The following DBF4B variants were observed in gnomAD, a reference collection of about 807,000 sequenced individuals.
The protein encoded by DBF4B is DBF4B-CDC7 kinase regulatory subunit.
DBF4B carries 49 observed loss-of-function variants against 53.4 expected under a neutral mutation model. The observed-to-expected ratio is 0.92, with a 90% CI of 0.73 to 1.16. The LOEUF is 1.16. Among genes scored for constraint, DBF4B ranks in the 50% most tolerant of loss-of-function variants. DBF4B has a pLI of 0.00. For synonymous variants in DBF4B, 257 were observed against 288.7 expected (o/e 0.89, Z 1.11); for missense variants, 692 against 775.0 (o/e 0.89, Z 1.27).
intron 8 of DBF4B, among the ~76,000 whole-genome samples, chr17:44,737,068 T>C (rs1166980888): frequency 1.3e-5 from 2 of 152,208 alleles, no homozygotes; most frequent in African/African-American, 4.8e-5. Context: ...CCAGAGCTGC[T>C]GGGCCGGGGC....
chr17:44,744,231 G>A (rs934469537), intron 10 of DBF4B, among the ~76,000 whole-genome samples: 1 of 151,958 alleles, frequency 6.6e-6, no homozygotes, highest in Non-Finnish European at 1.5e-5. Flanking sequence ...GAGCAACATG[G>A]TGAAACCCCA....
At chr17:44,719,858 C>A in intron 2 of DBF4B, 1 of 220,178 alleles carries the variant, frequency 4.5e-6, no homozygotes. Flanking sequence ...TTTTCTAAAA[C>A]ATGTGAGTCC....
chr17:44,715,812 C>CTTTTTTTTT lies in DBF4B; in HGVS notation c.82+6466_82+6474dup, dbSNP rs869200833. On this transcript the variant is annotated intron_variant, in intron 2 of 13. Coordinates refer to ENST00000315005, the MANE Select transcript of DBF4B (RefSeq NM_145663.3). Reference sequence around the variant, plus strand: ...GTTAGCCTAATTTCTTTCTTTCTTTCTTTTTTTTTTTTTTTTTTTTTTTTT... The same window carrying CTTTTTTTTT: ...GTTAGCCTAATTTCTTTCTTTCTTTCTTTTTTTTTTTTTTTTTTTTTTTTTTTTTTTTTT... Among the ~76,000 whole-genome samples the CTTTTTTTTT allele has an allele frequency of 2.0e-3, 113 of 55,542 alleles. 6 individuals are homozygous for CTTTTTTTTT. The highest frequency in any genetic ancestry group is 2.9e-3 in the Non-Finnish European group (89 of 30,658). 36.4% of individuals were successfully genotyped at this position (55,542 alleles called of 152,430 possible). A position where few individuals can be genotyped will look rare whatever the true frequency, so the allele number is the denominator to read the frequency against.
chr17:44,708,747 C>G lies in DBF4B; in HGVS notation c.-74C>G. On this transcript the variant is annotated 5_prime_UTR_variant, in exon 1 of 14. Coordinates refer to ENST00000315005, the MANE Select transcript of DBF4B (RefSeq NM_145663.3). ...ACCAGGACTGTGGAATCGGGAAGAGCTCATGGAGCTCGCGAATGTAATACG... is the reference window on the plus strand; with the variant it reads ...ACCAGGACTGTGGAATCGGGAAGAGGTCATGGAGCTCGCGAATGTAATACG... 6.6e-7 allele frequency: 1 copy of G among 1,524,762 alleles called. No individual in the cohort carries two copies. Among genetic ancestry groups the G allele is most frequent in the Non-Finnish European group, 8.9e-7 (1 of 1,127,856 alleles). The allele number at this position is 1,524,762 out of a possible 1,614,324, so 94.5% of individuals were successfully genotyped here. A position where few individuals can be genotyped will look rare whatever the true frequency, so the allele number is the denominator to read the frequency against.
At chr17:44,726,487 C>G (rs1974358553) in intron 3 of DBF4B, among the ~76,000 whole-genome samples, 2 of 149,624 alleles carry the variant, frequency 1.3e-5, no homozygotes, top group Non-Finnish European at 3.0e-5. Flanking sequence ...GTCTTTTACT[C>G]TTGGCGTCAA....
At chr17:44,721,338 C>T (rs1973825868) in intron 2 of DBF4B, among the ~76,000 whole-genome samples, 1 of 151,390 alleles carries the variant, frequency 6.6e-6, no homozygotes, top group South Asian at 2.1e-4. Flanking sequence ...TGTGCCTCAG[C>T]CACCCAAGTA....
intron 6 of DBF4B, chr17:44,732,531 A>G (rs1331796518): frequency 9.2e-6 from 4 of 437,158 alleles, no homozygotes; most frequent in Non-Finnish European, 1.2e-5. Flanking sequence ...TCCCCCAGCT[A>G]GTATGATGAT....
chr17:44,750,392 G>A (rs976566779), intron 13 of DBF4B: 16 of 985,266 alleles, frequency 1.6e-5, no homozygotes, highest in Non-Finnish European at 1.7e-5. Flanking sequence ...AGAAGGGGGG[G>A]CCCAGCTATG....
At chr17:44,726,768 T>C (rs116850893) in intron 3 of DBF4B, among the ~76,000 whole-genome samples, 1,946 of 152,290 alleles carry the variant, frequency 0.013, 20 homozygotes, top group Non-Finnish European at 0.02. Context: ...GTGAACAACT[T>C]TGAGTAAAAA....
At chr17:44,746,053 C>CAAAAAAA (rs61654485) in intron 10 of DBF4B, among the ~76,000 whole-genome samples, 51 of 110,640 alleles carry the variant, frequency 4.6e-4, no homozygotes, top group Non-Finnish European at 6.1e-4. Flanking sequence ...ACTAAAAATA[C>CAAAAAAA]AAAAAAAAAA....
chr17:44,735,142 GCCCTCTCCACA>G (rs935621570), intron 7 of DBF4B, among the ~76,000 whole-genome samples: 7 of 152,072 alleles, frequency 4.6e-5, no homozygotes, highest in East Asian at 1.9e-4. Flanking sequence ...AGACACTGAC[GCCCTCTCCACA>G]CCCTCTCCTC....
chr17:44,748,819 A>C, intron 13 of DBF4B: 1 of 1,296,768 alleles, frequency 7.7e-7, no homozygotes, highest in African/African-American at 1.5e-5. Flanking sequence ...AACTAGTGGC[A>C]AGCGTCTTCC....
At chr17:44,711,709 G>T (rs1464634149) in intron 2 of DBF4B, among the ~76,000 whole-genome samples, 2 of 152,128 alleles carry the variant, frequency 1.3e-5, no homozygotes, top group Admixed American at 6.6e-5. Flanking sequence ...AGCACTTTGG[G>T]AGGCCGAGGC....
intron 9 of DBF4B, 33 bp from the exon 10 acceptor site, chr17:44,741,303 T>C (rs1975999043): frequency 1.3e-6 from 2 of 1,512,548 alleles, no homozygotes; most frequent in African/African-American, 2.7e-5. Flanking sequence ...ACCTTCCCCA[T>C]TGTAGTCAAA....
At chr17:44,741,522 T>A in intron 10 of DBF4B, 70 bp downstream of exon 10, 1 of 1,071,112 alleles carries the variant, frequency 9.3e-7, no homozygotes, top group African/African-American at 1.6e-5. Context: ...GGGGGCCTGC[T>A]GGTCAGATTT....
At chr17:44,738,171 A>G (rs1327402152) in intron 8 of DBF4B, among the ~76,000 whole-genome samples, 3 of 152,238 alleles carry the variant, frequency 2.0e-5, no homozygotes, top group Non-Finnish European at 2.9e-5. Context: ...ACTGCAGCCT[A>G]TCCCCCCACT....
At chr17:44,739,620 C>T (rs1975791619) in intron 9 of DBF4B, among the ~76,000 whole-genome samples, 1 of 152,208 alleles carries the variant, frequency 6.6e-6, no homozygotes. Context: ...GTAATCATGA[C>T]ACATATGCAA....
At chr17:44,727,193 GATCA>G (rs2144903568) in intron 3 of DBF4B, among the ~76,000 whole-genome samples, 1 of 150,404 alleles carries the variant, frequency 6.6e-6, no homozygotes, top group Admixed American at 6.7e-5. Context: ...GAGGTGGGCA[GATCA>G]CCTGAGGTCA....
rs148663902 is a variant in DBF4B at position 44,739,016 on chromosome 17, A to T, written c.713+592A>T. On this transcript the variant is annotated intron_variant, in intron 9 of 13. Transcript: ENST00000315005. ...GGGGAAAACTGAGGTCAGAGAAAGG[A>T]AGGGACTTGTGTACAGCCACCTTGC... Among the ~76,000 whole-genome samples the T allele has an allele frequency of 1.1e-4, 16 of 152,320 alleles. No homozygotes were observed. In the East Asian group the frequency reaches 2.9e-3, roughly 28 times the overall value.
Sources: gnomAD v4.1 joint callset for allele counts (sites outside exome capture counted in the v4.1 genomes callset) on GRCh38, gnomAD v4.1.1 for gene constraint, MANE v1.5 for transcripts, NCBI Gene and HGNC (gene_info 2026-07-23, HGNC 2026-07-21) for gene names.